Variants in NKAIN3 observed in about 807,000 individuals in gnomAD.
NKAIN3 encodes the protein sodium/potassium transporting ATPase interacting 3, also known as sodium/potassium-transporting ATPase subunit beta-1-interacting protein 3.
A neutral mutation model predicts 30.2 loss-of-function variants in NKAIN3; 25 were observed. The observed-to-expected ratio is 0.83, with a 90% CI of 0.60 to 1.16. The LOEUF is 1.16. Ranked by LOEUF, NKAIN3 falls within the 50% of genes most tolerant of loss-of-function variation. NKAIN3 has a pLI of 0.00. For synonymous variants in NKAIN3, 91 were observed against 89.6 expected, an observed-to-expected ratio of 1.02 and a Z score of -0.09; for missense variants, 225 against 254.1, an observed-to-expected ratio of 0.89 and a Z score of 0.78.
At chr8:62,796,506 T>A (rs1251520574) in intron 4 of NKAIN3, among the ~76,000 whole-genome samples, 1 of 150,086 alleles carries the variant, frequency 6.7e-6, no homozygotes, top group Non-Finnish European at 1.5e-5. Flanking sequence ...AATGCACACA[T>A]GATGCTCGAC....
chr8:62,301,655 C>T (rs1047107907), intron 1 of NKAIN3, among the ~76,000 whole-genome samples: 8 of 152,002 alleles, frequency 5.3e-5, no homozygotes, highest in Admixed American at 3.9e-4. Context: ...TTAACAGTAG[C>T]ATTGATATAT....
rs147630802 is a variant in NKAIN3 at position 62,866,465 on chromosome 8, A to G, written c.472-51988A>G. ...AAATGATTTTCCCTTTGCAAGTTGC[A>G]CACAGTTTTGTTTATGCATTTCCTT... On this transcript the variant is annotated intron_variant, in intron 4 of 6. Transcript: ENST00000623646. Among the ~76,000 whole-genome samples the G allele has an allele frequency of 2.5e-3, 376 of 152,294 alleles. 15 individuals carry two copies. The East Asian group carries it at 0.067, about 27-fold the overall frequency.
At chr8:62,331,856 T>A (rs143739097) in intron 1 of NKAIN3, among the ~76,000 whole-genome samples, 11 of 152,280 alleles carry the variant, frequency 7.2e-5, no homozygotes, top group Non-Finnish European at 1.3e-4. Flanking sequence ...ATTAAAATTC[T>A]GTTTTTTTCA....
At chr8:62,959,798 C>T (rs545006062) in intron 6 of NKAIN3, among the ~76,000 whole-genome samples, 4 of 152,246 alleles carry the variant, frequency 2.6e-5, no homozygotes, top group African/African-American at 9.6e-5. Flanking sequence ...CCATCAGTCC[C>T]TGGAAATGGA....
intron 1 of NKAIN3, chr8:62,473,538 A>T (rs934033088): frequency 6.6e-6 from 1 of 152,174 alleles, no homozygotes. Flanking sequence ...ATTGATTCTT[A>T]TTGCTACTGT....
At chr8:62,852,895 A>G (rs2130777025) in intron 4 of NKAIN3, among the ~76,000 whole-genome samples, 1 of 152,190 alleles carries the variant, frequency 6.6e-6, no homozygotes, top group Admixed American at 6.6e-5. Context: ...GTTTTGGAAT[A>G]AGTGTGGTGT....
At position 62,303,697 on chromosome 8, in the gene NKAIN3, T is replaced by C. The variant is rs1814130384; in HGVS notation, c.54+54570T>C. Reference sequence around the variant, plus strand: ...GAGTTTTAATTTGAAAAAAATCAGATAACTTCAAATTCCAAGTCAAATTGT... The same window carrying C: ...GAGTTTTAATTTGAAAAAAATCAGACAACTTCAAATTCCAAGTCAAATTGT... On this transcript the variant is annotated intron_variant, in intron 1 of 6. Coordinates refer to ENST00000623646, the MANE Select transcript of NKAIN3 (RefSeq NM_001304533.3). 2.0e-5 allele frequency among the ~76,000 whole-genome samples: 3 copies of C among 150,614 alleles called. No homozygotes were observed. In the South Asian group the frequency reaches 6.2e-4, roughly 31 times the overall value.
intron 4 of NKAIN3, among the ~76,000 whole-genome samples, chr8:62,833,627 G>A (rs1274124278): frequency 6.6e-6 from 1 of 151,896 alleles, no homozygotes; most frequent in Non-Finnish European, 1.5e-5. Context: ...GATTGTATCA[G>A]GAAGAAATTG....
intron 1 of NKAIN3, among the ~76,000 whole-genome samples, chr8:62,396,997 A>G (rs903784094): frequency 2.6e-5 from 4 of 152,238 alleles, no homozygotes; most frequent in African/African-American, 9.6e-5. Flanking sequence ...CGACAGATGT[A>G]AACTAAATAT....
intron 1 of NKAIN3, among the ~76,000 whole-genome samples, chr8:62,349,093 C>A (rs927860157): frequency 7.2e-5 from 11 of 152,126 alleles, no homozygotes; most frequent in African/African-American, 2.4e-4. Context: ...AAAATAACTC[C>A]ATATGGACAA....
At chr8:62,668,129 C>T (rs1252977372) in intron 3 of NKAIN3, among the ~76,000 whole-genome samples, 1 of 151,858 alleles carries the variant, frequency 6.6e-6, no homozygotes, top group Non-Finnish European at 1.5e-5. Flanking sequence ...CACACACACA[C>T]ACAGTCACAT....
chr8:62,800,891 G>A (rs1586209621), intron 4 of NKAIN3, among the ~76,000 whole-genome samples: 2 of 152,208 alleles, frequency 1.3e-5, no homozygotes, highest in African/African-American at 4.8e-5. Flanking sequence ...ACGGCACCTG[G>A]AAAATCGGGT....
At chr8:62,270,460 A>C (rs1223993544) in intron 1 of NKAIN3, among the ~76,000 whole-genome samples, 1 of 152,138 alleles carries the variant, frequency 6.6e-6, no homozygotes, top group African/African-American at 2.4e-5. Context: ...TTTAAAAATT[A>C]TAGTTGTATA....
rs148546229 is a variant in NKAIN3 at position 62,805,506 on chromosome 8, C to A, written c.471+58377C>A. Among the ~76,000 whole-genome samples, 836 of 152,228 alleles carry A rather than the reference C, an allele frequency of 5.5e-3. 5 individuals carry two copies. The highest frequency in any genetic ancestry group is 0.019 in the African/African-American group (795 of 41,524). ...CCTTGGAAATAATGCCACATATCTA[C>A]AACTATCTGATCTTTGACAAACCTG... is the stretch of plus-strand genomic sequence containing the variant. On this transcript the variant is annotated intron_variant, in intron 4 of 6. Coordinates refer to ENST00000623646, the MANE Select transcript of NKAIN3 (RefSeq NM_001304533.3).
intron 1 of NKAIN3, among the ~76,000 whole-genome samples, chr8:62,466,004 A>G (rs1338893119): frequency 6.6e-6 from 1 of 152,132 alleles, no homozygotes; most frequent in Non-Finnish European, 1.5e-5. Context: ...AGCCTGGGGC[A>G]ACAGAGCGAG....
rs563554888 is a variant in NKAIN3 at position 62,318,425 on chromosome 8, C to A, written c.54+69298C>A. 5.7e-4 allele frequency among the ~76,000 whole-genome samples: 87 copies of A among 152,240 alleles called. No individual in the cohort carries two copies. In the Middle Eastern group the frequency reaches 0.014, roughly 24 times the overall value. On this transcript the variant is annotated intron_variant, in intron 1 of 6. Coordinates refer to ENST00000623646, the MANE Select transcript of NKAIN3 (RefSeq NM_001304533.3). ...TTTTGCCCATTCAGTATGATATTGG[C>A]TGTGGGTTTGTCATAGATACCTCTT... is the stretch of plus-strand genomic sequence containing the variant.
At chr8:62,366,436 G>A (rs1376012556) in intron 1 of NKAIN3, among the ~76,000 whole-genome samples, 2 of 151,764 alleles carry the variant, frequency 1.3e-5, no homozygotes, top group African/African-American at 4.8e-5. Context: ...TATGTTGGCC[G>A]AGCTGGTCTC....
intron 1 of NKAIN3, among the ~76,000 whole-genome samples, chr8:62,383,022 A>G (rs1817323522): frequency 6.6e-6 from 1 of 152,106 alleles, no homozygotes; most frequent in Non-Finnish European, 1.5e-5. Flanking sequence ...ACCATGTTTA[A>G]TGAGCCTCAA....
intron 4 of NKAIN3, among the ~76,000 whole-genome samples, chr8:62,867,402 A>G (rs1319342693): frequency 2.6e-5 from 4 of 152,234 alleles, no homozygotes; most frequent in Non-Finnish European, 5.9e-5. Context: ...CACAGTGTAT[A>G]ATCAGTACAT....
Sources: allele counts gnomAD v4.1 joint callset (sites outside exome capture counted in the v4.1 genomes callset), GRCh38; gene constraint gnomAD v4.1.1; transcripts MANE v1.5; gene names NCBI Gene and HGNC (gene_info 2026-07-23, HGNC 2026-07-21).